RAP2B: variants seen among roughly 807,000 people sequenced by gnomAD.
RAP2B encodes the protein ras-related protein Rap-2b.
RAP2B carries 6 observed loss-of-function variants against 14.4 expected under a neutral mutation model. The observed-to-expected ratio is 0.42, with a 90% CI of 0.23 to 0.82. The LOEUF (loss-of-function observed/expected upper bound fraction) is 0.82. RAP2B is among the 40% of genes least tolerant of loss of function. RAP2B has a pLI of 0.30. For missense variants in RAP2B, 137 were observed against 248.2 expected (o/e 0.55, Z 3.01); for synonymous variants, 118 against 113.2 (o/e 1.04, Z -0.27).
Position 153,163,407 on chromosome 3 carries a change from C to T in RAP2B, c.*162C>T. The T allele has an allele frequency of 4.1e-6, 4 of 964,672 alleles. No individual in the cohort carries two copies. Among genetic ancestry groups the T allele is most frequent in the Non-Finnish European group, 6.1e-6 (4 of 658,522 alleles). The allele number at this position is 964,672 out of a possible 1,614,324, so 59.8% of individuals were successfully genotyped here. A position where few individuals can be genotyped will look rare whatever the true frequency, so the allele number is the denominator to read the frequency against. On this transcript the variant is annotated 3_prime_UTR_variant, in exon 1 of 1. Coordinates refer to ENST00000323534, the MANE Select transcript of RAP2B (RefSeq NM_002886.4). ...CCGCGGCCGGCGTCCCCTGCCTCCA[C>T]CCTGTGCCCGAGGGGGTGTCCGGTC...
Position 153,167,215 on chromosome 3 carries a change from G to A in RAP2B, c.*3970G>A, listed in dbSNP as rs1713604970. On this transcript the variant is annotated 3_prime_UTR_variant, in exon 1 of 1. Transcript: ENST00000323534. ...TACAGTATTTTATGCAGACTATTAG[G>A]AATGATTCAGTGCATTTAACTGAAC... 1 of 166,966 alleles carries A rather than the reference G, an allele frequency of 6.0e-6. No individual in the cohort carries two copies. Among genetic ancestry groups the A allele is most frequent in the African/African-American group, 2.4e-5 (1 of 41,412 alleles). The allele number at this position is 166,966 out of a possible 1,614,324, so 10.3% of individuals were successfully genotyped here. A position where few individuals can be genotyped will look rare whatever the true frequency, so the allele number is the denominator to read the frequency against.
Position 153,163,823 on chromosome 3 carries a change from C to T in RAP2B, c.*578C>T, listed in dbSNP as rs1713492345. On this transcript the variant is annotated 3_prime_UTR_variant, in exon 1 of 1. Transcript: ENST00000323534. Reference sequence around the variant, plus strand: ...AGTAGCTGGAAATTAAGATCGGGTTCCTTTTCTGCCAGCTTGGAAGGGCAA... The same window carrying T: ...AGTAGCTGGAAATTAAGATCGGGTTTCTTTTCTGCCAGCTTGGAAGGGCAA... The T allele has an allele frequency of 6.0e-6, 1 of 166,684 alleles. No homozygotes were observed. Among genetic ancestry groups the T allele is most frequent in the African/African-American group, 2.4e-5 (1 of 41,230 alleles). 10.3% of individuals were successfully genotyped at this position (166,684 alleles called of 1,614,324 possible).
Position 153,165,713 on chromosome 3 carries a change from T to TC in RAP2B, c.*2469dup, listed in dbSNP as rs1173897291. 1.8e-5 allele frequency: 3 copies of TC among 166,956 alleles called. No homozygotes were observed. Among genetic ancestry groups the TC allele is most frequent in the Non-Finnish European group, 4.4e-5 (3 of 68,094 alleles). The allele number at this position is 166,956 out of a possible 1,614,324, so 10.3% of individuals were successfully genotyped here. On this transcript the variant is annotated 3_prime_UTR_variant, in exon 1 of 1. Coordinates refer to ENST00000323534, the MANE Select transcript of RAP2B (RefSeq NM_002886.4). ...TGCCATTTTTTTTTTCCCACTCTGA[T>TC]CTCACTTAAGTTTGATATCAAACAC...
At position 153,168,931 on chromosome 3, in the gene RAP2B, C is replaced by T. The variant is rs544195643; in HGVS notation, c.*5686C>T. On this transcript the variant is annotated 3_prime_UTR_variant, in exon 1 of 1. Coordinates refer to ENST00000323534, the MANE Select transcript of RAP2B (RefSeq NM_002886.4). ...TATTTTTATCTTGGCTTTCATTTTA[C>T]GGTTATTTCTACTACTGTTAATATG... 3.4e-4 allele frequency: 51 copies of T among 152,200 alleles called. No homozygotes were observed. Among genetic ancestry groups the T allele is most frequent in the Middle Eastern group, 6.8e-3 (2 of 294 alleles). 9.4% of individuals were successfully genotyped at this position (152,200 alleles called of 1,614,324 possible).
rs890265132 is a variant in RAP2B at position 153,164,344 on chromosome 3, T to A, written c.*1099T>A. 2 of 167,082 alleles carry A rather than the reference T, an allele frequency of 1.2e-5. No individual in the cohort carries two copies. Among genetic ancestry groups the A allele is most frequent in the African/African-American group, 4.8e-5 (2 of 41,446 alleles). 10.3% of individuals were successfully genotyped at this position (167,082 alleles called of 1,614,324 possible). A position where few individuals can be genotyped will look rare whatever the true frequency, so the allele number is the denominator to read the frequency against. On this transcript the variant is annotated 3_prime_UTR_variant, in exon 1 of 1. Coordinates refer to ENST00000323534, the MANE Select transcript of RAP2B (RefSeq NM_002886.4). ...GCCAACCTGTGAACTTCCCACCATA[T>A]CCCAGAATCTGCTATTCCCCAAACC...
rs1713494229 is a variant in RAP2B, at chr3:153,163,894, T to G, written c.*649T>G. 6.0e-6 allele frequency: 1 copy of G among 167,002 alleles called. No individual in the cohort carries two copies. Among genetic ancestry groups the G allele is most frequent in the African/African-American group, 2.4e-5 (1 of 41,382 alleles). The allele number at this position is 167,002 out of a possible 1,614,324, so 10.3% of individuals were successfully genotyped here. Reference sequence around the variant, plus strand: ...CTGAGGATGTCTATGCAAAGTTGGATTCTTGTTACAGTGTATCCAATCTGA... The same window carrying G: ...CTGAGGATGTCTATGCAAAGTTGGAGTCTTGTTACAGTGTATCCAATCTGA... On this transcript the variant is annotated 3_prime_UTR_variant, in exon 1 of 1. Coordinates refer to ENST00000323534, the MANE Select transcript of RAP2B (RefSeq NM_002886.4).
rs1371146742 is a variant in RAP2B, at chr3:153,167,363, G to T, written c.*4118G>T. 3 of 167,090 alleles carry T rather than the reference G, an allele frequency of 1.8e-5. No homozygotes were observed. The highest frequency in any genetic ancestry group is 4.2e-4 in the South Asian group (2 of 4,814). The allele number at this position is 167,090 out of a possible 1,614,324, so 10.4% of individuals were successfully genotyped here. ...CTTGACCATATATCAAAATCACCTG[G>T]AGCTTAAAACATGTACTGCTGGGAC... is the stretch of plus-strand genomic sequence containing the variant. On this transcript the variant is annotated 3_prime_UTR_variant, in exon 1 of 1. Coordinates refer to ENST00000323534, the MANE Select transcript of RAP2B (RefSeq NM_002886.4).
In RAP2B at chr3:153,165,747, G is replaced by A. The variant is rs1002469525; in HGVS notation, c.*2502G>A. 1.2e-5 allele frequency: 2 copies of A among 166,852 alleles called. No individual in the cohort carries two copies. Among genetic ancestry groups the A allele is most frequent in the African/African-American group, 4.8e-5 (2 of 41,376 alleles). The allele number at this position is 166,852 out of a possible 1,614,324, so 10.3% of individuals were successfully genotyped here. ...AGTTTGATATCAAACACAATTGGGA[G>A]GCAATAGTATCAATATCCTAAATGT... On this transcript the variant is annotated 3_prime_UTR_variant, in exon 1 of 1. Coordinates refer to ENST00000323534, the MANE Select transcript of RAP2B (RefSeq NM_002886.4).
chr3:153,162,535 T>C lies in RAP2B; in HGVS notation c.-159T>C. 1 of 834,696 alleles carries C rather than the reference T, an allele frequency of 1.2e-6. No individual in the cohort carries two copies. The highest frequency in any genetic ancestry group is 2.5e-5 in the South Asian group (1 of 40,148). 51.7% of individuals were successfully genotyped at this position (834,696 alleles called of 1,614,324 possible). ...CGGCCGGCCCGGCGCCCGGCCTCCG[T>C]TCGGTGGTTTCCGCCCTGCGTTCTC... On this transcript the variant is annotated 5_prime_UTR_variant, in exon 1 of 1. Coordinates refer to ENST00000323534, the MANE Select transcript of RAP2B (RefSeq NM_002886.4). This position sits in a 1 kb window ranked among gnomAD's most constrained non-coding sequence, Gnocchi z 4.9.
Position 153,162,515 on chromosome 3 carries a change from GGCCCGGC to G in RAP2B, c.-171_-165del, listed in dbSNP as rs1250851312. ...GGATACGCTGCCGCCGCCGCCGGCC[GGCCCGGC>G]GCCCGGCCTCCGTTCGGTGGTTTCC... On this transcript the variant is annotated 5_prime_UTR_variant, in exon 1 of 1. Transcript: ENST00000323534. This position sits in a 1 kb window ranked among gnomAD's most constrained non-coding sequence, Gnocchi z 4.9. 4 of 698,042 alleles carry G rather than the reference GGCCCGGC, an allele frequency of 5.7e-6. No individual in the cohort carries two copies. The highest frequency in any genetic ancestry group is 8.6e-6 in the Non-Finnish European group (4 of 465,578). The allele number at this position is 698,042 out of a possible 1,614,324, so 43.2% of individuals were successfully genotyped here.
rs570294088 is a variant in RAP2B at position 153,167,364 on chromosome 3, A to C, written c.*4119A>C. 7.5e-4 allele frequency: 125 copies of C among 167,082 alleles called. 1 individual carries two copies. The highest frequency in any genetic ancestry group is 2.9e-3 in the African/African-American group (122 of 41,540). 10.3% of individuals were successfully genotyped at this position (167,082 alleles called of 1,614,324 possible). ...TTGACCATATATCAAAATCACCTGG[A>C]GCTTAAAACATGTACTGCTGGGACC... On this transcript the variant is annotated 3_prime_UTR_variant, in exon 1 of 1. Transcript: ENST00000323534.
chr3:153,162,437 C>A lies in RAP2B; in HGVS notation c.-257C>A. The A allele has an allele frequency of 3.4e-6, 1 of 297,214 alleles. No homozygotes were observed. Among genetic ancestry groups the A allele is most frequent in the South Asian group, 1.4e-4 (1 of 7,018 alleles). The allele number at this position is 297,214 out of a possible 1,614,324, so 18.4% of individuals were successfully genotyped here. A position where few individuals can be genotyped will look rare whatever the true frequency, so the allele number is the denominator to read the frequency against. ...GGGCATTGTCCTCTCGGTTCGCCGC[C>A]CGGGCTGCTGCTGCCGCCGCGGACT... On this transcript the variant is annotated 5_prime_UTR_variant, in exon 1 of 1. Coordinates refer to ENST00000323534, the MANE Select transcript of RAP2B (RefSeq NM_002886.4). This position sits in a 1 kb window ranked among gnomAD's most constrained non-coding sequence, Gnocchi z 4.9.
rs558914104 is a variant in RAP2B at position 153,167,156 on chromosome 3, T to C, written c.*3911T>C. 1.2e-5 allele frequency: 2 copies of C among 167,154 alleles called. No individual in the cohort carries two copies. Among genetic ancestry groups the C allele is most frequent in the East Asian group, 1.9e-4 (1 of 5,198 alleles). The allele number at this position is 167,154 out of a possible 1,614,324, so 10.4% of individuals were successfully genotyped here. On this transcript the variant is annotated 3_prime_UTR_variant, in exon 1 of 1. Coordinates refer to ENST00000323534, the MANE Select transcript of RAP2B (RefSeq NM_002886.4). Reference sequence around the variant, plus strand: ...ATTTTGTCTGTGAAAATATAGTAAATTTTAAAATACTAATATAATGTGGTA... The same window carrying C: ...ATTTTGTCTGTGAAAATATAGTAAACTTTAAAATACTAATATAATGTGGTA...
At position 153,164,009 on chromosome 3, in the gene RAP2B, A is replaced by G. The variant is rs1030160046; in HGVS notation, c.*764A>G. On this transcript the variant is annotated 3_prime_UTR_variant, in exon 1 of 1. Coordinates refer to ENST00000323534, the MANE Select transcript of RAP2B (RefSeq NM_002886.4). Reference sequence around the variant, plus strand: ...TGTCTGCTGATATTTGTGGAAAAAAAATCTATTTTGTTTACCTACTGTATC... The same window carrying G: ...TGTCTGCTGATATTTGTGGAAAAAAGATCTATTTTGTTTACCTACTGTATC... 1 of 166,850 alleles carries G rather than the reference A, an allele frequency of 6.0e-6. No individual in the cohort carries two copies. Among genetic ancestry groups the G allele is most frequent in the African/African-American group, 2.4e-5 (1 of 41,368 alleles). 10.3% of individuals were successfully genotyped at this position (166,850 alleles called of 1,614,324 possible).
Position 153,162,897 on chromosome 3 carries a change from G to T in RAP2B, c.204G>T (p.Arg68=). Residue 68 remains arginine (R), a synonymous_variant, in exon 1 of 1, where the codon CGG becomes CGT. Coordinates refer to ENST00000323534, the MANE Select transcript of RAP2B (RefSeq NM_002886.4). This position sits in a 1 kb window ranked among gnomAD's most constrained non-coding sequence, Gnocchi z 4.9. ...GCACCGAGCAGTTCGCGTCCATGCG[G>T]GACCTGTACATCAAGAACGGCCAGG... ...TAGTEQFASM[R]DLYIKNGQGF... 6.2e-7 allele frequency: 1 copy of T among 1,614,064 alleles called. No homozygotes were observed. The highest frequency in any genetic ancestry group is 8.5e-7 in the Non-Finnish European group (1 of 1,180,024).
Position 153,162,546 on chromosome 3 carries a change from C to T in RAP2B, c.-148C>T, listed in dbSNP as rs568989296. 8 of 998,236 alleles carry T rather than the reference C, an allele frequency of 8.0e-6. No individual in the cohort carries two copies. The South Asian group carries it at 1.4e-4, about 17-fold the overall frequency. 61.8% of individuals were successfully genotyped at this position (998,236 alleles called of 1,614,324 possible). On this transcript the variant is annotated 5_prime_UTR_variant, in exon 1 of 1. Coordinates refer to ENST00000323534, the MANE Select transcript of RAP2B (RefSeq NM_002886.4). This position sits in a 1 kb window ranked among gnomAD's most constrained non-coding sequence, Gnocchi z 4.9. ...GCGCCCGGCCTCCGTTCGGTGGTTT[C>T]CGCCCTGCGTTCTCTGGGTTGCTCT...
In RAP2B at chr3:153,163,188, C is replaced by T. The variant is rs780163029; in HGVS notation, c.495C>T (p.Asn165=). 6 of 1,600,534 alleles carry T rather than the reference C, an allele frequency of 3.7e-6. No homozygotes were observed. The highest frequency in any genetic ancestry group is 1.1e-5 in the South Asian group (1 of 89,382). ...TTGCCGAGATCGTGCGGCAGATGAA[C>T]TACGCGGCGCAGCCCAACGGCGATG... The part of the protein sequence containing the change: ...ELFAEIVRQM[N]YAAQPNGDEG... Residue 165 remains asparagine (N), a synonymous_variant, in exon 1 of 1, where the codon AAC becomes AAT. Coordinates refer to ENST00000323534, the MANE Select transcript of RAP2B (RefSeq NM_002886.4).
rs73163271 is a variant in RAP2B at position 153,167,774 on chromosome 3, T to C, written c.*4529T>C. On this transcript the variant is annotated 3_prime_UTR_variant, in exon 1 of 1. Transcript: ENST00000323534. Reference sequence around the variant, plus strand: ...ATGGTTTTCAATGTTAATTCAGAAGTTGACTTTAAATGAAAATGTGGTTAG... The same window carrying C: ...ATGGTTTTCAATGTTAATTCAGAAGCTGACTTTAAATGAAAATGTGGTTAG... 0.028 allele frequency: 4,643 copies of C among 167,062 alleles called. 93 individuals carry two copies. Among genetic ancestry groups the C allele is most frequent in the Non-Finnish European group, 0.047 (3,194 of 68,104 alleles). 10.3% of individuals were successfully genotyped at this position (167,062 alleles called of 1,614,324 possible).
chr3:153,164,242 C>T lies in RAP2B; in HGVS notation c.*997C>T, dbSNP rs757890309. 1 of 166,888 alleles carries T rather than the reference C, an allele frequency of 6.0e-6. No individual in the cohort carries two copies. The highest frequency in any genetic ancestry group is 1.5e-5 in the Non-Finnish European group (1 of 68,090). The allele number at this position is 166,888 out of a possible 1,614,324, so 10.3% of individuals were successfully genotyped here. On this transcript the variant is annotated 3_prime_UTR_variant, in exon 1 of 1. Coordinates refer to ENST00000323534, the MANE Select transcript of RAP2B (RefSeq NM_002886.4). ...AGCTTTTAAAAATACAGTACAAAGA[C>T]TTTGTAAATGTGATTCAGGGCCCCC... is the stretch of plus-strand genomic sequence containing the variant.
Sources: allele counts gnomAD v4.1 joint callset, GRCh38; gene constraint gnomAD v4.1.1; non-coding constraint Gnocchi (gnomAD v3.1); transcripts MANE v1.5; gene names NCBI Gene and HGNC (gene_info 2026-07-23, HGNC 2026-07-21).